The following R3HDM2 variants were observed in gnomAD, a reference collection of about 807,000 sequenced individuals.
The protein encoded by R3HDM2 is R3H domain-containing protein 2.
Under a neutral mutation model 124.5 loss-of-function variants are expected in R3HDM2, and 38 were observed. The ratio of observed to expected loss-of-function variants is 0.31; its 90% CI spans 0.24 to 0.40. The LOEUF is 0.40. Among genes scored for constraint, R3HDM2 ranks in the 10% least tolerant of loss-of-function variants. The pLI, the probability that R3HDM2 is intolerant of heterozygous loss-of-function variation, is 1.00. For synonymous variants in R3HDM2, 391 were observed against 448.0 expected (o/e 0.87, Z 1.61); for missense variants, 869 against 1,236.9 (o/e 0.70, Z 4.46).
intron 11 of R3HDM2, among the ~76,000 whole-genome samples, chr12:57,291,267 A>C (rs190551258): frequency 6.7e-6 from 1 of 149,286 alleles, no homozygotes; most frequent in Non-Finnish European, 1.5e-5. Context: ...ATGATGAAAA[A>C]ATATATATAT....
intron 1 of R3HDM2, among the ~76,000 whole-genome samples, chr12:57,414,298 C>T (rs1373571604): frequency 6.7e-6 from 1 of 149,954 alleles, no homozygotes. Context: ...CCAGCCTGGC[C>T]AACATGGTGA....
chr12:57,425,116 T>C (rs1243545761), intron 1 of R3HDM2, among the ~76,000 whole-genome samples: 1 of 151,192 alleles, frequency 6.6e-6, no homozygotes, highest in Non-Finnish European at 1.5e-5. Context: ...CTACTAAAAA[T>C]ACAAAATTAG....
At position 57,283,936 on chromosome 12, in the gene R3HDM2, G is replaced by A; in HGVS notation, c.1059C>T (p.Ser353=). 3.1e-6 allele frequency: 5 copies of A among 1,614,162 alleles called. No individual in the cohort carries two copies. The highest frequency in any genetic ancestry group is 4.2e-6 in the Non-Finnish European group (5 of 1,180,032). The change falls in exon 13 of 24, where the codon AGC becomes AGT. Residue 353 remains serine, a synonymous_variant. Coordinates refer to ENST00000402412, the MANE Select transcript of R3HDM2 (RefSeq NM_001394031.1). Reference sequence around the variant, plus strand: ...TAGCTTTGGTGACAGGGGGTCGCATGCTCCGGACAGAGCCATCAGAGTCTG... The same window carrying A: ...TAGCTTTGGTGACAGGGGGTCGCATACTCCGGACAGAGCCATCAGAGTCTG... ...SSTDSDGSVR[S]MRPPVTKASS... is the part of the protein sequence containing the mutation.
At chr12:57,308,448 G>A (rs577817424) in intron 3 of R3HDM2, among the ~76,000 whole-genome samples, 29 of 148,716 alleles carry the variant, frequency 2.0e-4, no homozygotes, top group African/African-American at 7.2e-4. Context: ...ACTTAGGGAG[G>A]CCAAGGCGGG....
chr12:57,363,053 C>A (rs559471060), intron 2 of R3HDM2, among the ~76,000 whole-genome samples: 37 of 152,230 alleles, frequency 2.4e-4, no homozygotes, highest in African/African-American at 8.7e-4. Context: ...AAACTCCTGG[C>A]CTCAAGTGAT....
rs80342146 is a variant in R3HDM2, at chr12:57,254,940, G to A, written c.2806C>T (p.Arg936Cys). 104 of 1,613,990 alleles carry A rather than the reference G, an allele frequency of 6.4e-5. No individual in the cohort carries two copies. Among genetic ancestry groups the A allele is most frequent in the Middle Eastern group, 1.6e-4 (1 of 6,062 alleles). ...TACAAGGCAGCGAGGTCCGAGTGGC[G>A]GCCATTCTCAGCAGTCCCACTGTTG... is the stretch of plus-strand genomic sequence containing the variant. ...GDNSGTAENGRHSDLAALYTI... is the reference protein window; with the variant it reads ...GDNSGTAENGCHSDLAALYTI... The change falls in exon 24 of 24, where the codon CGC becomes TGC. Residue 936 changes from arginine to cysteine, a missense_variant. By Grantham distance (180) the Arg-to-Cys change is radical. Around this residue, in one of 2 missense-constraint regions of R3HDM2, gnomAD observed 602 missense variants for 789.2 expected, o/e 0.76. Transcript: ENST00000402412.
At chr12:57,309,610 T>A (rs2053491661) in intron 3 of R3HDM2, among the ~76,000 whole-genome samples, 1 of 152,230 alleles carries the variant, frequency 6.6e-6, no homozygotes, top group Non-Finnish European at 1.5e-5. Context: ...GGATATGAAT[T>A]TAACACTGTG....
intron 5 of R3HDM2, 26 bp from the exon 6 acceptor site, chr12:57,299,504 G>A: frequency 6.5e-7 from 1 of 1,535,682 alleles, no homozygotes; most frequent in South Asian, 1.2e-5. Context: ...GATAATCAAA[G>A]GGGGAAAAAG....
At chr12:57,273,947 G>A (rs2044137504) in intron 14 of R3HDM2, among the ~76,000 whole-genome samples, 1 of 152,180 alleles carries the variant, frequency 6.6e-6, no homozygotes, top group Non-Finnish European at 1.5e-5. Context: ...AATCCACTGT[G>A]TGACCTGGAA....
chr12:57,354,541 G>A (rs1160496352), intron 2 of R3HDM2, among the ~76,000 whole-genome samples: 1 of 150,758 alleles, frequency 6.6e-6, no homozygotes, highest in East Asian at 2.0e-4. Flanking sequence ...TGATTCGCCT[G>A]CCTCAGCCTC....
At position 57,349,379 on chromosome 12, in the gene R3HDM2, CAAAAAAAAA is replaced by C. The variant is rs1161831845; in HGVS notation, c.-35-38925_-35-38917del. Among the ~76,000 whole-genome samples the C allele has an allele frequency of 3.6e-3, 206 of 57,692 alleles. 3 individuals are homozygous for C. In the Middle Eastern group the frequency reaches 0.049, roughly 14 times the overall value. The allele number at this position is 57,692 out of a possible 152,430, so 37.8% of individuals were successfully genotyped here. On this transcript the variant is annotated intron_variant, in intron 2 of 23. Transcript: ENST00000402412. ...TGCCGACAGAGCGAGACTCCGTCTC[CAAAAAAAAA>C]AAAAAAAAAAAAAAAAAAAGAAAAG...
intron 2 of R3HDM2, among the ~76,000 whole-genome samples, chr12:57,364,810 G>A (rs760782675): frequency 6.6e-6 from 1 of 151,552 alleles, no homozygotes; most frequent in African/African-American, 2.4e-5. Context: ...AAAATTAGCC[G>A]GGCGTGGTGG....
At chr12:57,371,428 G>C (rs2063371818) in intron 2 of R3HDM2, among the ~76,000 whole-genome samples, 1 of 152,100 alleles carries the variant, frequency 6.6e-6, no homozygotes, top group Non-Finnish European at 1.5e-5. Context: ...TATCATTCAA[G>C]ATAACTGCCT....
intron 3 of R3HDM2, among the ~76,000 whole-genome samples, chr12:57,306,248 T>C (rs555892549): frequency 3.9e-4 from 59 of 152,162 alleles, no homozygotes; most frequent in Non-Finnish European, 7.9e-4. Flanking sequence ...CTGAGAAATA[T>C]TGGACTTGGC....
chr12:57,257,374 A>G (rs750590040), intron 21 of R3HDM2, among the ~76,000 whole-genome samples: 4 of 152,232 alleles, frequency 2.6e-5, no homozygotes, highest in Admixed American at 6.5e-5. Flanking sequence ...CATATTAAGT[A>G]CCATTAAGTG....
chr12:57,367,986 T>C (rs2062861747), intron 2 of R3HDM2, among the ~76,000 whole-genome samples: 1 of 152,064 alleles, frequency 6.6e-6, no homozygotes, highest in Non-Finnish European at 1.5e-5. Context: ...AAAGTTTCTC[T>C]GGGTCTGATT....
chr12:57,317,649 G>C (rs1333254035), intron 2 of R3HDM2, among the ~76,000 whole-genome samples: 1 of 142,314 alleles, frequency 7.0e-6, no homozygotes, highest in Non-Finnish European at 1.5e-5. Flanking sequence ...AAAAAAAAAG[G>C]GTATATTAAG....
Position 57,296,438 on chromosome 12 carries a change from A to G in R3HDM2, c.674T>C (p.Ile225Thr). ...HNVDQTGKAV[I>T]INKTSNTRIP... The stretch of plus-strand genomic sequence containing the variant: ...TCTTGTGTTACTAGTTTTGTTGATG[A>G]TGACAGCTTTCCCAGTTTGATCAAC... The change falls in exon 9 of 24, where the codon ATC becomes ACC. Residue 225 changes from isoleucine to threonine, a missense_variant. Physicochemically the swap from Ile to Thr is moderately conservative, Grantham distance 89. Coordinates refer to ENST00000402412, the MANE Select transcript of R3HDM2 (RefSeq NM_001394031.1). This position sits in a 1 kb window ranked among gnomAD's most constrained non-coding sequence, Gnocchi z 4.5. 1 of 1,552,290 alleles carries G rather than the reference A, an allele frequency of 6.4e-7. No individual in the cohort carries two copies. The highest frequency in any genetic ancestry group is 1.2e-5 in the South Asian group (1 of 84,058).
intron 1 of R3HDM2, chr12:57,430,493 CCGCACCGCCG>C: frequency 1.1e-6 from 1 of 941,796 alleles, no homozygotes; most frequent in Non-Finnish European, 1.3e-6. Flanking sequence ...CCCCCTGCCC[CCGCACCGCCG>C]CCCTCCGCCC....
Sources: allele counts gnomAD v4.1 joint callset (sites outside exome capture counted in the v4.1 genomes callset), GRCh38; gene constraint gnomAD v4.1.1; regional missense constraint gnomAD v4.1.1; non-coding constraint Gnocchi (gnomAD v3.1); transcripts MANE v1.5; gene names NCBI Gene and HGNC (gene_info 2026-07-23, HGNC 2026-07-21).